IFT172: variants seen among roughly 807,000 people sequenced by gnomAD.
IFT172 encodes intraflagellar transport protein 172 homolog.
In IFT172, 164 loss-of-function variants were observed where a neutral mutation model predicts 248.9. That is an observed-to-expected ratio of 0.66 (90% CI 0.58 to 0.75). The LOEUF is 0.75. IFT172 is among the 30% of genes least tolerant of loss of function. The pLI, the probability that IFT172 is intolerant of heterozygous loss-of-function variation, is 0.00. For missense variants in IFT172, 1,950 were observed against 2,192.4 expected, an observed-to-expected ratio of 0.89 and a Z score of 2.21; for synonymous variants, 729 against 791.6, an observed-to-expected ratio of 0.92 and a Z score of 1.33.
At chr2:27,463,053 C>A (rs772437166) in intron 19 of IFT172, 44 bp downstream of exon 19, 5 of 1,599,172 alleles carry the variant, frequency 3.1e-6, no homozygotes, top group African/African-American at 1.3e-5. Context: ...TAAGAGAAAT[C>A]AGCTTGGGAG....
chr2:27,480,636 T>C (rs1356077308), intron 8 of IFT172, among the ~76,000 whole-genome samples: 1 of 152,182 alleles, frequency 6.6e-6, no homozygotes, highest in African/African-American at 2.4e-5. Context: ...TAAATATATA[T>C]AGCATATAGA....
intron 7 of IFT172, 87 bp from the exon 8 acceptor site, chr2:27,481,347 G>T: frequency 1.0e-6 from 1 of 961,160 alleles, no homozygotes; most frequent in South Asian, 1.5e-5. Context: ...CATTCACTCT[G>T]ACCATCATAC....
Position 27,445,331 on chromosome 2 carries a change from C to T in IFT172, c.5033G>A (p.Ser1678Asn), listed in dbSNP as rs972056548. 7 of 1,613,184 alleles carry T rather than the reference C, an allele frequency of 4.3e-6. No homozygotes were observed. In the Admixed American group the frequency reaches 1.0e-4, roughly 23 times the overall value. The change falls in exon 46 of 48, where the codon AGC becomes AAC. Residue 1678 changes from serine (S) to asparagine (N), a missense_variant. By Grantham distance (46) the Ser-to-Asn change is conservative. Around this residue, in one of 3 missense-constraint regions of IFT172, gnomAD observed 620 missense variants for 699.0 expected, o/e 0.89. Transcript: ENST00000260570. The surrounding 1 kb of genome is among the most constrained non-coding windows in gnomAD (Gnocchi z 4.4). The stretch of plus-strand genomic sequence containing the variant: ...GCAGGGCAGGGCTCGAACACCAGTG[C>T]TCGCTGCCACTAGGGAGGCCTCGTA... Reference protein sequence around the residue: ...GAYEASLVAASTGVRALPCLI... With the variant: ...GAYEASLVAANTGVRALPCLI...
At chr2:27,474,651 A>G (rs1266938190) in intron 14 of IFT172, among the ~76,000 whole-genome samples, 1 of 152,076 alleles carries the variant, frequency 6.6e-6, no homozygotes, top group Non-Finnish European at 1.5e-5. Context: ...TCCCCGGTTC[A>G]AGTGATTCTC....
At chr2:27,481,013 T>C (rs1458839484) in intron 8 of IFT172, 33 bp downstream of exon 8, 2 of 1,538,522 alleles carry the variant, frequency 1.3e-6, no homozygotes, top group Non-Finnish European at 1.8e-6. Flanking sequence ...GCAGGGAAAG[T>C]AGGCAGTAGA....
rs1666826461 is a variant in IFT172, at chr2:27,463,306, CAT to C, written c.1938-127_1938-126del. On this transcript the variant is annotated intron_variant, in intron 18 of 47. Coordinates refer to ENST00000260570, the MANE Select transcript of IFT172 (RefSeq NM_015662.3). ...CCAGCCAATGTCTTGTCACTGGAGA[CAT>C]ATAGAGACCAAGGAAGATGAGGGCC... 5.0e-6 allele frequency: 4 copies of C among 799,596 alleles called. No homozygotes were observed. The South Asian group carries it at 7.6e-5, about 15-fold the overall frequency. 49.5% of individuals were successfully genotyped at this position (799,596 alleles called of 1,614,324 possible).
chr2:27,479,520 C>T lies in IFT172; in HGVS notation c.994G>A (p.Gly332Arg), dbSNP rs1185154683. Residue 332 changes from glycine to arginine, a missense_variant, in exon 10 of 48, where the codon GGA (glycine) becomes AGA (arginine). Gly to Arg is a moderately radical substitution (Grantham distance 125). This residue lies in a region of IFT172 where 1,166 missense variants were observed against 1,254.1 expected (regional missense o/e 0.93). Transcript: ENST00000260570. ...ACCATCCTGCTTACCTGGCTAGGTCCCACATACGTCAACTCAAACTTGTTC... is the reference window on the plus strand; with the variant it reads ...ACCATCCTGCTTACCTGGCTAGGTCTCACATACGTCAACTCAAACTTGTTC... ...YKNKFELTYV[G>R]PSQVIVKNLS... 1 of 1,604,428 alleles carries T rather than the reference C, an allele frequency of 6.2e-7. No homozygotes were observed. The highest frequency in any genetic ancestry group is 1.3e-5 in the African/African-American group (1 of 74,722).
chr2:27,463,214 T>C (rs763175945), intron 18 of IFT172, 33 bp from the exon 19 acceptor site: 1 of 1,568,154 alleles, frequency 6.4e-7, no homozygotes, highest in Non-Finnish European at 8.8e-7. Context: ...TTAATAGTAA[T>C]ATTATTATAG....
Position 27,489,723 on chromosome 2 carries a change from G to A in IFT172, c.-70C>T, listed in dbSNP as rs1669041977. ...CGTGGTTACCTGGACAACCCGCCAC[G>A]CAGCCGCAGCGACAGGCACTGACGC... On this transcript the variant is annotated 5_prime_UTR_variant, in exon 1 of 48. Coordinates refer to ENST00000260570, the MANE Select transcript of IFT172 (RefSeq NM_015662.3). 4 of 1,241,740 alleles carry A rather than the reference G, an allele frequency of 3.2e-6. No individual in the cohort carries two copies. Among genetic ancestry groups the A allele is most frequent in the Non-Finnish European group, 4.7e-6 (4 of 856,488 alleles). 76.9% of individuals were successfully genotyped at this position (1,241,740 alleles called of 1,614,324 possible). A position where few individuals can be genotyped will look rare whatever the true frequency, so the allele number is the denominator to read the frequency against.
At chr2:27,461,637 C>T (rs974726563) in intron 21 of IFT172, 120 bp from the exon 22 acceptor site, 14 of 1,506,324 alleles carry the variant, frequency 9.3e-6, no homozygotes, top group Non-Finnish European at 1.3e-5. Context: ...ATCCTAACTC[C>T]TCACCACATC....
At chr2:27,460,866 CTG>C in intron 23 of IFT172, 147 bp downstream of exon 23, 1 of 806,306 alleles carries the variant, frequency 1.2e-6, no homozygotes, top group East Asian at 2.6e-5. Flanking sequence ...TACTTTGTCT[CTG>C]TGTCTTTTTC....
At chr2:27,473,957 G>A (rs771962717) in intron 14 of IFT172, among the ~76,000 whole-genome samples, 13 of 151,530 alleles carry the variant, frequency 8.6e-5, no homozygotes, top group Admixed American at 1.3e-4. Flanking sequence ...ATAGGCACCC[G>A]CCACCATGCC....
At chr2:27,458,356 G>A in intron 26 of IFT172, 133 bp from the exon 27 acceptor site, 1 of 726,122 alleles carries the variant, frequency 1.4e-6, no homozygotes, top group South Asian at 1.6e-5. Flanking sequence ...CACTCTACTA[G>A]TGAGGTTGGG....
chr2:27,450,051 C>T lies in IFT172; in HGVS notation c.3997G>A (p.Glu1333Lys). ...IKFLPPQRNM[E>K]VVLAVGPQLI... Reference sequence around the variant, plus strand: ...TGGGGTCCTACAGCCAGAACGACTTCCATATTACGTTGGGGAGGCAGAAAC... The same window carrying T: ...TGGGGTCCTACAGCCAGAACGACTTTCATATTACGTTGGGGAGGCAGAAAC... Residue 1333 changes from glutamate to lysine, a missense_variant, in exon 36 of 48, where the codon GAA becomes AAA. By Grantham distance (56) the Glu-to-Lys change is moderately conservative. Coordinates refer to ENST00000260570, the MANE Select transcript of IFT172 (RefSeq NM_015662.3). 1 of 1,614,180 alleles carries T rather than the reference C, an allele frequency of 6.2e-7. No individual in the cohort carries two copies. Among genetic ancestry groups the T allele is most frequent in the Non-Finnish European group, 8.5e-7 (1 of 1,180,028 alleles).
Position 27,454,318 on chromosome 2 carries a change from G to A in IFT172, c.3530+36C>T. On this transcript the variant is annotated intron_variant, in intron 32 of 47. Transcript: ENST00000260570. This position sits in a 1 kb window ranked among gnomAD's most constrained non-coding sequence, Gnocchi z 4.2. ...ATGAAAGATCCTGGGACGGTGACTG[G>A]GGAAACAGTATTAAGGAATGTATGG... The A allele has an allele frequency of 1.2e-6, 2 of 1,613,020 alleles. No individual in the cohort carries two copies. The highest frequency in any genetic ancestry group is 1.7e-6 in the Non-Finnish European group (2 of 1,179,032).
chr2:27,456,699 C>T (rs754982318), intron 29 of IFT172, 46 bp from the exon 30 acceptor site: 10 of 1,591,728 alleles, frequency 6.3e-6, no homozygotes, highest in Non-Finnish European at 6.8e-6. Context: ...AGAGCTTCTC[C>T]CTTCTCATCT....
At chr2:27,469,845 A>G (rs1667417808) in intron 16 of IFT172, among the ~76,000 whole-genome samples, 2 of 152,084 alleles carry the variant, frequency 1.3e-5, no homozygotes, top group African/African-American at 4.8e-5. Flanking sequence ...AAATAAAATA[A>G]TCATGCCTAA....
chr2:27,451,737 G>A (rs1572729537), intron 35 of IFT172, among the ~76,000 whole-genome samples: 1 of 152,302 alleles, frequency 6.6e-6, no homozygotes, highest in East Asian at 1.9e-4. Flanking sequence ...CTGCACTCCA[G>A]CCTGGGCGAC....
chr2:27,469,634 TC>T (rs1667396137), intron 16 of IFT172, among the ~76,000 whole-genome samples: 1 of 151,988 alleles, frequency 6.6e-6, no homozygotes, highest in African/African-American at 2.4e-5. Context: ...GAATTCGAGA[TC>T]AGTCTGGCCA....
Sources: gnomAD v4.1 joint callset for allele counts (sites outside exome capture counted in the v4.1 genomes callset) on GRCh38, gnomAD v4.1.1 for gene constraint, gnomAD v4.1.1 regional missense constraint, Gnocchi (gnomAD v3.1) non-coding constraint, MANE v1.5 for transcripts, NCBI Gene and HGNC (gene_info 2026-07-23, HGNC 2026-07-21) for gene names.